The following PXDN variants were observed in gnomAD, a reference collection of about 807,000 sequenced individuals.
PXDN encodes peroxidasin homolog.
PXDN carries 77 observed loss-of-function variants against 140.3 expected under a neutral mutation model. That is an observed-to-expected ratio of 0.55 (90% CI 0.46 to 0.66). The LOEUF is 0.66. PXDN is among the 30% of genes least tolerant of loss of function. The probability of loss-of-function intolerance (pLI) is 0.00; values close to 1 mark genes in which losing one functional copy is unlikely to be tolerated. For synonymous variants in PXDN, 911 were observed against 857.4 expected (o/e 1.06, Z -1.09); for missense variants, 1,838 against 2,039.5 (o/e 0.90, Z 1.90).
At chr2:1,666,148 C>A in intron 10 of PXDN, 66 bp downstream of exon 10, 3 of 1,575,760 alleles carry the variant, frequency 1.9e-6, no homozygotes, top group Non-Finnish European at 2.6e-6. Flanking sequence ...GGTATGGCAG[C>A]GCGAGCTAGT....
At chr2:1,742,861 C>T (rs1006210475) in intron 1 of PXDN, among the ~76,000 whole-genome samples, 1 of 152,220 alleles carries the variant, frequency 6.6e-6, no homozygotes, top group Non-Finnish European at 1.5e-5. Context: ...GCAAACTCGG[C>T]GACCCCTGGG....
chr2:1,724,379 A>G (rs1558527701), intron 1 of PXDN, among the ~76,000 whole-genome samples: 1 of 144,564 alleles, frequency 6.9e-6, no homozygotes, highest in East Asian at 2.1e-4. Flanking sequence ...TCCTTTTTAT[A>G]GTAGGTTCTT....
intron 14 of PXDN, among the ~76,000 whole-genome samples, chr2:1,656,165 A>AAC (rs577814083): frequency 2.0e-5 from 3 of 151,636 alleles, no homozygotes; most frequent in Admixed American, 6.6e-5. Context: ...AAACCAAAGA[A>AAC]ACACACACAC....
chr2:1,673,915 G>A lies in PXDN; in HGVS notation c.849-103C>T. ...TCCAGCCCTGCAGCAGGCACAACTT[G>A]TGCGAGGAACAGCTCACCTTCCAGG... On this transcript the variant is annotated intron_variant, in intron 8 of 22. Coordinates refer to ENST00000252804, the MANE Select transcript of PXDN (RefSeq NM_012293.3). 2 of 1,304,814 alleles carry A rather than the reference G, an allele frequency of 1.5e-6. 1 individual carries two copies. Among genetic ancestry groups the A allele is most frequent in the South Asian group, 2.7e-5 (2 of 74,842 alleles). 80.8% of individuals were successfully genotyped at this position (1,304,814 alleles called of 1,614,324 possible). A position where few individuals can be genotyped will look rare whatever the true frequency, so the allele number is the denominator to read the frequency against.
chr2:1,715,017 C>A (rs1160336656), intron 1 of PXDN, among the ~76,000 whole-genome samples: 2 of 151,756 alleles, frequency 1.3e-5, no homozygotes, highest in Admixed American at 6.6e-5. Flanking sequence ...CCCCGGCTTA[C>A]AAATAAACAA....
intron 19 of PXDN, among the ~76,000 whole-genome samples, chr2:1,641,880 T>C (rs1682735577): frequency 1.3e-5 from 2 of 152,242 alleles, no homozygotes; most frequent in South Asian, 2.1e-4. Flanking sequence ...TTTTGTATCA[T>C]TGGCTTTTCC....
At chr2:1,709,727 A>C (rs1684709025) in intron 1 of PXDN, among the ~76,000 whole-genome samples, 1 of 152,182 alleles carries the variant, frequency 6.6e-6, no homozygotes, top group Non-Finnish European at 1.5e-5. Context: ...CACGCACTTT[A>C]GATGAGGTCC....
intron 1 of PXDN, among the ~76,000 whole-genome samples, chr2:1,693,842 C>T (rs970159751): frequency 3.3e-5 from 5 of 152,206 alleles, no homozygotes; most frequent in Non-Finnish European, 7.3e-5. Context: ...GAAAGAGAAA[C>T]ACTTCAATTC....
intron 1 of PXDN, among the ~76,000 whole-genome samples, chr2:1,700,226 T>C (rs1231990269): frequency 6.6e-6 from 1 of 152,106 alleles, no homozygotes; most frequent in Admixed American, 6.5e-5. Flanking sequence ...TGCGCCCAGC[T>C]AATTTTTGTA....
chr2:1,668,686 CAT>C (rs1421042940), intron 9 of PXDN, among the ~76,000 whole-genome samples: 1 of 150,822 alleles, frequency 6.6e-6, no homozygotes, highest in Admixed American at 6.6e-5. Flanking sequence ...GGCCAACAAA[CAT>C]ATGAAAAAAA....
At chr2:1,655,603 CCTGCCCCTCCTTACTGGGAT>C (rs1348256125) in intron 14 of PXDN, among the ~76,000 whole-genome samples, 45 of 151,672 alleles carry the variant, frequency 3.0e-4, no homozygotes, top group Non-Finnish European at 7.4e-5. Context: ...CTGACAGGGA[CCTGCCCCTCCTTACTGGGAT>C]CTGCCCCTCC....
At chr2:1,662,683 C>A (rs528607730) in intron 12 of PXDN, among the ~76,000 whole-genome samples, 64 of 152,336 alleles carry the variant, frequency 4.2e-4, no homozygotes, top group Non-Finnish European at 6.9e-4. Context: ...CCCACCCCCG[C>A]ATTCTCTATA....
chr2:1,634,147 C>A lies in PXDN; in HGVS notation c.*57G>T. 6.5e-7 allele frequency: 1 copy of A among 1,542,812 alleles called. No homozygotes were observed. Among genetic ancestry groups the A allele is most frequent in the South Asian group, 1.2e-5 (1 of 83,382 alleles). On this transcript the variant is annotated 3_prime_UTR_variant, in exon 23 of 23. Coordinates refer to ENST00000252804, the MANE Select transcript of PXDN (RefSeq NM_012293.3). ...TCTGCAGTCCGCAGCTCCCTGCCAT[C>A]GGCCACCCGATCTCACGATGGCACA... is the stretch of plus-strand genomic sequence containing the variant.
In PXDN at chr2:1,649,281, C is replaced by T; in HGVS notation, c.2499G>A (p.Val833=). Residue 833 remains valine, a synonymous_variant, in exon 17 of 23, where the codon GTG becomes GTA. Transcript: ENST00000252804. The surrounding 1 kb of genome is among the most constrained non-coding windows in gnomAD (Gnocchi z 7.1). ...AGAAGCGTGCCTGGCTCAGGGCCAC[C>T]ACCGTGGAGTCGAGGTCGTGGTCCA... The part of the protein sequence containing the change: ...QFLDHDLDST[V]VALSQARFSD... 1 of 1,613,432 alleles carries T rather than the reference C, an allele frequency of 6.2e-7. No individual in the cohort carries two copies. Among genetic ancestry groups the T allele is most frequent in the Middle Eastern group, 1.7e-4 (1 of 6,060 alleles).
At chr2:1,732,532 C>T (rs1685335364) in intron 1 of PXDN, among the ~76,000 whole-genome samples, 1 of 152,196 alleles carries the variant, frequency 6.6e-6, no homozygotes, top group Non-Finnish European at 1.5e-5. Context: ...TGGTATGGGA[C>T]ATGGAAGGGC....
intron 1 of PXDN, among the ~76,000 whole-genome samples, chr2:1,721,297 AAAC>A (rs1685046356): frequency 6.6e-6 from 1 of 152,220 alleles, no homozygotes; most frequent in Non-Finnish European, 1.5e-5. Flanking sequence ...GTCAGAATTC[AAAC>A]AACTGAACGG....
At chr2:1,689,152 C>T (rs1337029560) in intron 3 of PXDN, among the ~76,000 whole-genome samples, 2 of 152,128 alleles carry the variant, frequency 1.3e-5, no homozygotes, top group Non-Finnish European at 2.9e-5. Flanking sequence ...ATGACTGGGC[C>T]TCAGTTTCCT....
At position 1,671,762 on chromosome 2, in the gene PXDN, C is replaced by A. The variant is rs115786960; in HGVS notation, c.1018+1881G>T. On this transcript the variant is annotated intron_variant, in intron 9 of 22. Transcript: ENST00000252804. Reference sequence around the variant, plus strand: ...ATATTATTACCATAGTCCGTGACAGCAGTTGGCCATTTTTTTCTGTAAAGG... The same window carrying A: ...ATATTATTACCATAGTCCGTGACAGAAGTTGGCCATTTTTTTCTGTAAAGG... Among the ~76,000 whole-genome samples the A allele has an allele frequency of 5.8e-3, 884 of 152,250 alleles. 8 individuals carry two copies. Among genetic ancestry groups the A allele is most frequent in the African/African-American group, 0.02 (851 of 41,536 alleles).
At chr2:1,722,085 G>A (rs182873082) in intron 1 of PXDN, among the ~76,000 whole-genome samples, 77 of 152,322 alleles carry the variant, frequency 5.1e-4, no homozygotes, top group Middle Eastern at 3.4e-3. Context: ...ACAAGACAGA[G>A]TTAAGCGAGA....
Sources: allele counts gnomAD v4.1 joint callset (sites outside exome capture counted in the v4.1 genomes callset), GRCh38; gene constraint gnomAD v4.1.1; non-coding constraint Gnocchi (gnomAD v3.1); transcripts MANE v1.5; gene names NCBI Gene and HGNC (gene_info 2026-07-23, HGNC 2026-07-21).